Variants in JMY observed in about 807,000 individuals in gnomAD.
JMY encodes the protein junction-mediating and -regulatory protein.
In JMY, 46 loss-of-function variants were observed where a neutral mutation model predicts 103.3. The observed-to-expected ratio is 0.45, with a 90% CI of 0.35 to 0.57. The LOEUF (loss-of-function observed/expected upper bound fraction) is 0.57, where lower values mean the gene tolerates loss of function less well. Among genes scored for constraint, JMY ranks in the 20% least tolerant of loss-of-function variants. The pLI is 0.00. For synonymous variants in JMY, 526 were observed against 489.3 expected, an observed-to-expected ratio of 1.07 and a Z score of -0.99; for missense variants, 1,238 against 1,255.2, an observed-to-expected ratio of 0.99 and a Z score of 0.21.
At chr5:79,279,459 G>C (rs921190042) in intron 2 of JMY, among the ~76,000 whole-genome samples, 1 of 152,292 alleles carries the variant, frequency 6.6e-6, no homozygotes, top group Non-Finnish European at 1.5e-5. Context: ...AAATGTTGCT[G>C]AACTAGAACA....
chr5:79,275,100 A>G (rs1404694498), intron 1 of JMY, among the ~76,000 whole-genome samples: 2 of 149,198 alleles, frequency 1.3e-5, no homozygotes, highest in Non-Finnish European at 3.0e-5. Flanking sequence ...GTTGTCCTGA[A>G]CTCTATCCTC....
intron 1 of JMY, among the ~76,000 whole-genome samples, chr5:79,244,377 G>C (rs1304884815): frequency 1.3e-5 from 2 of 152,114 alleles, no homozygotes; most frequent in Non-Finnish European, 2.9e-5. Context: ...ACACTTCAGT[G>C]ATATTATTAT....
At chr5:79,256,327 G>T (rs1225061609) in intron 1 of JMY, among the ~76,000 whole-genome samples, 1 of 152,082 alleles carries the variant, frequency 6.6e-6, no homozygotes, top group Non-Finnish European at 1.5e-5. Context: ...ACCCTTCAGG[G>T]CAGTAGCTTC....
At chr5:79,304,681 A>T (rs1402529685) in intron 6 of JMY, among the ~76,000 whole-genome samples, 1 of 152,170 alleles carries the variant, frequency 6.6e-6, no homozygotes, top group Non-Finnish European at 1.5e-5. Context: ...TCTTATTCTC[A>T]CTTTGACAAT....
intron 1 of JMY, among the ~76,000 whole-genome samples, chr5:79,276,056 A>C (rs981400574): frequency 6.6e-6 from 1 of 152,198 alleles, no homozygotes; most frequent in Admixed American, 6.5e-5. Context: ...AGGTAAATGG[A>C]GTCCATGTAT....
At chr5:79,321,517 C>G (rs1747448654) in intron 10 of JMY, 89 bp from the exon 11 acceptor site, 1 of 150,576 alleles carries the variant, frequency 6.6e-6, no homozygotes, top group African/African-American at 2.4e-5. Context: ...TAAAAAATGT[C>G]TTTTTTACAC....
At chr5:79,290,060 G>A (rs1746377162) in intron 2 of JMY, 61 bp from the exon 3 acceptor site, 16 of 1,220,128 alleles carry the variant, frequency 1.3e-5, no homozygotes, top group Non-Finnish European at 1.8e-5. Flanking sequence ...AACTTTAAAT[G>A]TTTGAGGAAT....
chr5:79,244,880 G>A (rs925864188), intron 1 of JMY, among the ~76,000 whole-genome samples: 7 of 149,190 alleles, frequency 4.7e-5, no homozygotes, highest in Admixed American at 4.0e-4. Context: ...TGGTTTTTCA[G>A]GCTTCTTTTA....
intron 7 of JMY, among the ~76,000 whole-genome samples, chr5:79,309,406 A>T (rs1038715844): frequency 2.0e-5 from 3 of 152,204 alleles, no homozygotes; most frequent in African/African-American, 7.2e-5. Context: ...ATATAAAGTT[A>T]CATTAGAAAC....
chr5:79,245,888 G>A (rs1744885969), intron 1 of JMY, among the ~76,000 whole-genome samples: 1 of 152,128 alleles, frequency 6.6e-6, no homozygotes, highest in Non-Finnish European at 1.5e-5. Context: ...GCCTCCCAAA[G>A]TTCTGGGATT....
chr5:79,278,473 T>G (rs1746011428), intron 2 of JMY, among the ~76,000 whole-genome samples: 1 of 149,552 alleles, frequency 6.7e-6, no homozygotes, highest in South Asian at 2.1e-4. Context: ...TTGGGCAGGC[T>G]GAGCGTGGTG....
Position 79,300,317 on chromosome 5 carries a change from A to T in JMY, c.1692A>T (p.Ser564=). 6.5e-7 allele frequency: 1 copy of T among 1,537,316 alleles called. No individual in the cohort carries two copies. Among genetic ancestry groups the T allele is most frequent in the Non-Finnish European group, 8.7e-7 (1 of 1,145,688 alleles). ...AQLESIKRLI[S]EKRDEVVYYD... is the part of the protein sequence containing the mutation. Reference sequence around the variant, plus strand: ...TAGAAAGCATCAAAAGACTTATATCAGGTATGGCGTGCATTTAACCACATA... The same window carrying T: ...TAGAAAGCATCAAAAGACTTATATCTGGTATGGCGTGCATTTAACCACATA... Residue 564 remains serine (S), a splice_region_variant and synonymous_variant, in exon 5 of 11, where the codon TCA becomes TCT. Coordinates refer to ENST00000396137, the MANE Select transcript of JMY (RefSeq NM_152405.5).
chr5:79,239,390 TGCAA>T (rs1744662732), intron 1 of JMY, among the ~76,000 whole-genome samples: 2 of 152,252 alleles, frequency 1.3e-5, no homozygotes, highest in African/African-American at 4.8e-5. Flanking sequence ...TCTCTTAAAC[TGCAA>T]GAACCGTTAG....
At chr5:79,271,653 T>C (rs1467482083) in intron 1 of JMY, among the ~76,000 whole-genome samples, 1 of 152,226 alleles carries the variant, frequency 6.6e-6, no homozygotes, top group Non-Finnish European at 1.5e-5. Flanking sequence ...CTAACGAGGA[T>C]GTTGTGACTG....
chr5:79,300,319 G>T lies in JMY; in HGVS notation c.1693+1G>T. 6.5e-7 allele frequency: 1 copy of T among 1,535,614 alleles called. No homozygotes were observed. Among genetic ancestry groups the T allele is most frequent in the Non-Finnish European group, 8.7e-7 (1 of 1,144,896 alleles). On this transcript the variant is annotated splice_donor_variant, in intron 5 of 10. Transcript: ENST00000396137. LOFTEE classifies it high-confidence loss of function. ...GAAAGCATCAAAAGACTTATATCAG[G>T]TATGGCGTGCATTTAACCACATAAG...
intron 4 of JMY, 45 bp from the exon 5 acceptor site, chr5:79,300,108 T>C: frequency 6.4e-7 from 1 of 1,561,130 alleles, no homozygotes. Flanking sequence ...TCAATTTTCT[T>C]GTCCCCACCA....
chr5:79,310,640 C>T (rs762679814), intron 7 of JMY, among the ~76,000 whole-genome samples: 19 of 152,016 alleles, frequency 1.2e-4, no homozygotes, highest in Non-Finnish European at 2.6e-4. Flanking sequence ...CAACAGTTTC[C>T]CCTGGACATC....
chr5:79,237,114 C>G lies in JMY; in HGVS notation c.464C>G (p.Ser155Cys). The change falls in exon 1 of 11, where the codon TCT becomes TGT. Residue 155 changes from serine (S) to cysteine (C), a missense_variant. By Grantham distance (112) the Ser-to-Cys change is moderately radical. Coordinates refer to ENST00000396137, the MANE Select transcript of JMY (RefSeq NM_152405.5). ...RAKPIPGQKT[S>C]EADDAAGAAA... ...AAACCCATCCCGGGTCAGAAAACAT[C>G]TGAAGCCGACGATGCGGCGGGGGCA... 6.5e-7 allele frequency: 1 copy of G among 1,548,946 alleles called. No individual in the cohort carries two copies. The highest frequency in any genetic ancestry group is 1.2e-5 in the South Asian group (1 of 84,018).
chr5:79,242,783 CTTT>C (rs71615514), intron 1 of JMY, among the ~76,000 whole-genome samples: 5 of 140,634 alleles, frequency 3.6e-5, no homozygotes, highest in East Asian at 2.1e-4. Flanking sequence ...TCAATAATGA[CTTT>C]TTTTTTTTTT....
Sources: gnomAD v4.1 joint callset for allele counts (sites outside exome capture counted in the v4.1 genomes callset) on GRCh38, gnomAD v4.1.1 for gene constraint, MANE v1.5 for transcripts, NCBI Gene and HGNC (gene_info 2026-07-23, HGNC 2026-07-21) for gene names.